Variants in ATXN1 observed in about 807,000 individuals in gnomAD.
The protein encoded by ATXN1 is ataxin 1.
ATXN1 carries 8 observed loss-of-function variants against 56.4 expected under a neutral mutation model. The ratio of observed to expected loss-of-function variants is 0.14; its 90% CI spans 0.08 to 0.26. The LOEUF (loss-of-function observed/expected upper bound fraction) is 0.26. ATXN1 is among the 10% of genes least tolerant of loss of function. The pLI is 1.00. For missense variants in ATXN1, 987 were observed against 1,106.5 expected (o/e 0.89, Z 1.53); for synonymous variants, 514 against 494.6 (o/e 1.04, Z -0.52).
intron 7 of ATXN1, among the ~76,000 whole-genome samples, chr6:16,323,754 T>C (rs1760739026): frequency 6.6e-6 from 1 of 152,058 alleles, no homozygotes; most frequent in Non-Finnish European, 1.5e-5. Flanking sequence ...AAGCAATGAC[T>C]CTTCACTCAT....
At chr6:16,515,862 A>C (rs1761173429) in intron 5 of ATXN1, among the ~76,000 whole-genome samples, 1 of 152,324 alleles carries the variant, frequency 6.6e-6, no homozygotes, top group South Asian at 2.1e-4. Flanking sequence ...GGATGGAATC[A>C]TGGAAGCATC....
At chr6:16,668,000 G>A (rs1758466352) in intron 2 of ATXN1, among the ~76,000 whole-genome samples, 1 of 152,152 alleles carries the variant, frequency 6.6e-6, no homozygotes, top group African/African-American at 2.4e-5. Context: ...CTGACCCCCT[G>A]TAATGTTGCC....
At chr6:16,643,627 CAAAAAAA>C (rs58223053) in intron 3 of ATXN1, among the ~76,000 whole-genome samples, 15 of 63,184 alleles carry the variant, frequency 2.4e-4, no homozygotes, top group Admixed American at 3.8e-4. Context: ...GAGACCCTGC[CAAAAAAA>C]AAAAAAAAAA....
At chr6:16,442,881 G>A (rs1253759841) in intron 6 of ATXN1, among the ~76,000 whole-genome samples, 4 of 152,040 alleles carry the variant, frequency 2.6e-5, no homozygotes, top group Admixed American at 6.6e-5. Flanking sequence ...TCGTGGTGGC[G>A]CACACCTGTA....
intron 6 of ATXN1, among the ~76,000 whole-genome samples, chr6:16,448,040 C>G (rs142839094): frequency 7.9e-5 from 12 of 152,238 alleles, no homozygotes; most frequent in African/African-American, 2.6e-4. Context: ...TAATACCATT[C>G]CACTCAAACC....
chr6:16,743,249 A>C (rs576152502), intron 2 of ATXN1, among the ~76,000 whole-genome samples: 11 of 152,348 alleles, frequency 7.2e-5, no homozygotes, highest in African/African-American at 2.6e-4. Context: ...TGATTGAGCG[A>C]ATTCAGCACT....
At chr6:16,742,635 C>T (rs1760380992) in intron 2 of ATXN1, among the ~76,000 whole-genome samples, 1 of 152,148 alleles carries the variant, frequency 6.6e-6, no homozygotes, top group South Asian at 2.1e-4. Context: ...GCACTCCCTC[C>T]ACCTGGAGAA....
chr6:16,683,268 T>G (rs981872242), intron 2 of ATXN1, among the ~76,000 whole-genome samples: 7 of 152,216 alleles, frequency 4.6e-5, no homozygotes, highest in African/African-American at 1.7e-4. Flanking sequence ...GAACAACCTA[T>G]GAGAGAAAGA....
chr6:16,680,362 TTTTC>T (rs1758789057), intron 2 of ATXN1, among the ~76,000 whole-genome samples: 1 of 152,232 alleles, frequency 6.6e-6, no homozygotes, highest in Non-Finnish European at 1.5e-5. Flanking sequence ...TGTTCCTTCC[TTTTC>T]TTTCTTTTCC....
At chr6:16,480,566 A>G (rs1290135371) in intron 6 of ATXN1, among the ~76,000 whole-genome samples, 5 of 151,980 alleles carry the variant, frequency 3.3e-5, no homozygotes, top group African/African-American at 4.8e-5. Context: ...CAGATTACTC[A>G]GCCCTGGATC....
At position 16,703,758 on chromosome 6, in the gene ATXN1, G is replaced by A. The variant is rs1366916857; in HGVS notation, c.-614-45857C>T. Among the ~76,000 whole-genome samples, 5 of 152,224 alleles carry A rather than the reference G, an allele frequency of 3.3e-5. No homozygotes were observed. The East Asian group carries it at 5.8e-4, about 18-fold the overall frequency. On this transcript the variant is annotated intron_variant, in intron 2 of 7. Coordinates refer to ENST00000436367, the MANE Select transcript of ATXN1 (RefSeq NM_001128164.2). ...AAGTGGGTTGGGCACAGTGGCTCAC[G>A]ACTGTAATCCCGGCACTTTGGGAGG...
At chr6:16,595,223 G>A (rs1002172332) in intron 3 of ATXN1, among the ~76,000 whole-genome samples, 1 of 152,156 alleles carries the variant, frequency 6.6e-6, no homozygotes, top group Non-Finnish European at 1.5e-5. Flanking sequence ...TTTTAAAATA[G>A]CAAAATCGAA....
chr6:16,741,392 A>G (rs1760335612), intron 2 of ATXN1, among the ~76,000 whole-genome samples: 1 of 152,186 alleles, frequency 6.6e-6, no homozygotes, highest in Non-Finnish European at 1.5e-5. Flanking sequence ...GACTAGTCCT[A>G]CAAGAGAAAC....
At chr6:16,714,340 T>C (rs1759595150) in intron 2 of ATXN1, among the ~76,000 whole-genome samples, 1 of 151,906 alleles carries the variant, frequency 6.6e-6, no homozygotes, top group African/African-American at 2.4e-5. Flanking sequence ...CTGACTGAAA[T>C]GAGACACAGC....
chr6:16,575,668 C>T (rs1383347798), intron 4 of ATXN1, among the ~76,000 whole-genome samples: 1 of 152,132 alleles, frequency 6.6e-6, no homozygotes, highest in Non-Finnish European at 1.5e-5. Context: ...GTTAGAGTTA[C>T]AAGAAATAAA....
intron 4 of ATXN1, among the ~76,000 whole-genome samples, chr6:16,528,249 T>G (rs1761431267): frequency 6.7e-6 from 1 of 148,480 alleles, no homozygotes. Flanking sequence ...TGCAGATAGC[T>G]GAGATCGCAC....
At chr6:16,742,132 T>G (rs1287813553) in intron 2 of ATXN1, among the ~76,000 whole-genome samples, 2 of 151,912 alleles carry the variant, frequency 1.3e-5, no homozygotes, top group African/African-American at 4.8e-5. Context: ...AATACAATAA[T>G]AAACTTGTCT....
At chr6:16,585,601 G>T (rs1762607447) in intron 4 of ATXN1, among the ~76,000 whole-genome samples, 179 bp downstream of exon 4, 1 of 152,076 alleles carries the variant, frequency 6.6e-6, no homozygotes, top group Non-Finnish European at 1.5e-5. Flanking sequence ...CCATAAAAAA[G>T]CAAGGGTTCC....
chr6:16,547,398 G>A (rs536316280), intron 4 of ATXN1, among the ~76,000 whole-genome samples: 1 of 152,158 alleles, frequency 6.6e-6, no homozygotes, highest in African/African-American at 2.4e-5. Context: ...AACATCCACC[G>A]CCAGCAAATG....
Sources: gnomAD v4.1 joint callset for allele counts (sites outside exome capture counted in the v4.1 genomes callset) on GRCh38, gnomAD v4.1.1 for gene constraint, MANE v1.5 for transcripts, NCBI Gene and HGNC (gene_info 2026-07-23, HGNC 2026-07-21) for gene names.